The following DTNA variants were observed in gnomAD, a reference collection of about 807,000 sequenced individuals.
The protein encoded by DTNA is dystrophin-related protein 3.
Under a neutral mutation model 100.7 loss-of-function variants are expected in DTNA, and 43 were observed. The ratio of observed to expected loss-of-function variants is 0.43; its 90% CI spans 0.33 to 0.55. The LOEUF (loss-of-function observed/expected upper bound fraction) is 0.55, where lower values mean the gene tolerates loss of function less well. Among genes scored for constraint, DTNA ranks in the 20% least tolerant of loss-of-function variants. The pLI, the probability that DTNA is intolerant of heterozygous loss-of-function variation, is 0.04. For synonymous variants in DTNA, 349 were observed against 347.9 expected, an observed-to-expected ratio of 1.00 and a Z score of -0.04; for missense variants, 798 against 953.9, an observed-to-expected ratio of 0.84 and a Z score of 2.15.
intron 1 of DTNA, among the ~76,000 whole-genome samples, chr18:34,521,701 C>T (rs1045573100): frequency 1.3e-5 from 2 of 152,176 alleles, no homozygotes; most frequent in African/African-American, 4.8e-5. Context: ...GGAGCACTTA[C>T]TCCACATCTC....
intron 1 of DTNA, among the ~76,000 whole-genome samples, chr18:34,607,713 A>T (rs1398141413): frequency 6.6e-6 from 1 of 152,190 alleles, no homozygotes; most frequent in Non-Finnish European, 1.5e-5. Context: ...ATTTCTTCTC[A>T]TGACCTCTTG....
chr18:34,823,825 C>G (rs980397046), intron 9 of DTNA, among the ~76,000 whole-genome samples: 1 of 152,142 alleles, frequency 6.6e-6, no homozygotes, highest in Admixed American at 6.5e-5. Context: ...GATAAGCTTA[C>G]AGACAGAGGT....
intron 1 of DTNA, among the ~76,000 whole-genome samples, chr18:34,546,290 C>T (rs562977252): frequency 6.6e-6 from 1 of 152,064 alleles, no homozygotes; most frequent in Non-Finnish European, 1.5e-5. Context: ...CATGTCAGCT[C>T]ATCCTAACTG....
chr18:34,630,723 G>C (rs764260643), intron 1 of DTNA, among the ~76,000 whole-genome samples: 5 of 152,124 alleles, frequency 3.3e-5, no homozygotes, highest in Non-Finnish European at 5.9e-5. Flanking sequence ...GGCTAGCTTG[G>C]GAGAATAATT....
intron 1 of DTNA, among the ~76,000 whole-genome samples, chr18:34,649,047 C>T (rs2060156889): frequency 6.6e-6 from 1 of 152,150 alleles, no homozygotes; most frequent in Admixed American, 6.5e-5. Context: ...CTTTCGGAGA[C>T]CATTCTAATG....
At chr18:34,591,594 G>C (rs915143693) in intron 1 of DTNA, among the ~76,000 whole-genome samples, 1 of 152,168 alleles carries the variant, frequency 6.6e-6, no homozygotes, top group African/African-American at 2.4e-5. Context: ...GTTTTTGACA[G>C]AGGGATAAAG....
At chr18:34,809,708 A>G (rs944719788) in intron 5 of DTNA, among the ~76,000 whole-genome samples, 58 of 152,210 alleles carry the variant, frequency 3.8e-4, no homozygotes, top group African/African-American at 1.4e-3. Flanking sequence ...TTGTTGGTGA[A>G]CACAGAGCAA....
chr18:34,885,678 C>T (rs1215765491), intron 22 of DTNA, among the ~76,000 whole-genome samples: 1 of 152,196 alleles, frequency 6.6e-6, no homozygotes, highest in Non-Finnish European at 1.5e-5. Context: ...CCATATCCTA[C>T]TCACTGGGAT....
rs550215255 is a variant in DTNA, at chr18:34,610,993, G to A, written c.-2+117479G>A. On this transcript the variant is annotated intron_variant, in intron 1 of 19. Transcript: ENST00000283365. ...AAATTATGCAATTAATTAGAATTAT[G>A]TGGATATCTTGATAGAAAAGGCTAA... Among the ~76,000 whole-genome samples, 59 of 152,280 alleles carry A rather than the reference G, an allele frequency of 3.9e-4. 1 individual carries two copies. The highest frequency in any genetic ancestry group is 1.3e-4 in the Non-Finnish European group (9 of 68,006).
chr18:34,526,586 C>T (rs1036997488), intron 1 of DTNA, among the ~76,000 whole-genome samples: 4 of 151,962 alleles, frequency 2.6e-5, no homozygotes, highest in Admixed American at 1.3e-4. Flanking sequence ...AGAAAACGGC[C>T]GTGTCCCTAT....
intron 1 of DTNA, among the ~76,000 whole-genome samples, chr18:34,719,035 A>G (rs182016059): frequency 6.6e-6 from 1 of 152,236 alleles, no homozygotes; most frequent in Non-Finnish European, 1.5e-5. Context: ...CACTGAAGAA[A>G]TGTAAGTAGT....
chr18:34,745,184 GA>G (rs566794213), intron 1 of DTNA, among the ~76,000 whole-genome samples: 241 of 151,976 alleles, frequency 1.6e-3, no homozygotes, highest in African/African-American at 5.6e-3. Flanking sequence ...TCCTATTGCA[GA>G]AAACAATATA....
intron 4 of DTNA, among the ~76,000 whole-genome samples, chr18:34,801,514 T>A (rs1375673733): frequency 9.9e-6 from 1 of 100,856 alleles, no homozygotes; most frequent in African/African-American, 4.7e-5. Context: ...ATAAAATAAC[T>A]TTTTTTTTTT....
At chr18:34,847,292 A>G (rs1186596008) in intron 13 of DTNA, among the ~76,000 whole-genome samples, 1 of 152,182 alleles carries the variant, frequency 6.6e-6, no homozygotes, top group Non-Finnish European at 1.5e-5. Flanking sequence ...GAGGCACTAA[A>G]AAATTCCATT....
intron 1 of DTNA, among the ~76,000 whole-genome samples, chr18:34,743,143 G>A (rs980175105): frequency 3.3e-5 from 5 of 152,082 alleles, no homozygotes; most frequent in African/African-American, 9.7e-5. Context: ...AAGAAATAAG[G>A]GCTGCCTCTG....
At chr18:34,590,825 TA>T (rs2049640558) in intron 1 of DTNA, among the ~76,000 whole-genome samples, 1 of 152,190 alleles carries the variant, frequency 6.6e-6, no homozygotes, top group Non-Finnish European at 1.5e-5. Flanking sequence ...TTCTAGCCAT[TA>T]TAAATCTTAT....
chr18:34,516,535 G>A (rs2041637298), intron 1 of DTNA, among the ~76,000 whole-genome samples: 1 of 152,006 alleles, frequency 6.6e-6, no homozygotes, highest in African/African-American at 2.4e-5. Context: ...GGAGACCCGG[G>A]CTTATTTCAT....
intron 3 of DTNA, among the ~76,000 whole-genome samples, chr18:34,779,259 T>G (rs1163862693): frequency 1.3e-5 from 2 of 152,186 alleles, no homozygotes; most frequent in Non-Finnish European, 2.9e-5. Context: ...CCACAGTGTC[T>G]AGCACACAGA....
At chr18:34,743,091 A>G (rs2090998274) in intron 1 of DTNA, among the ~76,000 whole-genome samples, 1 of 152,218 alleles carries the variant, frequency 6.6e-6, no homozygotes, top group South Asian at 2.1e-4. Context: ...TGGAAGGGAC[A>G]TAATTAAAAG....
Sources: gnomAD v4.1 joint callset for allele counts (sites outside exome capture counted in the v4.1 genomes callset) on GRCh38, gnomAD v4.1.1 for gene constraint, MANE v1.5 for transcripts, NCBI Gene and HGNC (gene_info 2026-07-23, HGNC 2026-07-21) for gene names.